IFT140: variants seen among roughly 807,000 people sequenced by gnomAD.
IFT140 encodes intraflagellar transport 140, also known as intraflagellar transport protein 140 homolog.
A neutral mutation model predicts 164.6 loss-of-function variants in IFT140; 133 were observed. The ratio of observed to expected loss-of-function variants is 0.81; its 90% CI spans 0.70 to 0.93. IFT140 has a LOEUF of 0.93. IFT140 is among the 40% of genes least tolerant of loss of function. The pLI, the probability that IFT140 is intolerant of heterozygous loss-of-function variation, is 0.00. For synonymous variants in IFT140, 860 were observed against 817.3 expected, an observed-to-expected ratio of 1.05 and a Z score of -0.89; for missense variants, 2,045 against 1,972.3, an observed-to-expected ratio of 1.04 and a Z score of -0.70.
chr16:1,551,004 C>T lies in IFT140; in HGVS notation c.2399+6931G>A, dbSNP rs1050191579. Among the ~76,000 whole-genome samples the T allele has an allele frequency of 4.6e-5, 7 of 152,198 alleles. No individual in the cohort carries two copies. The highest frequency in any genetic ancestry group is 7.3e-5 in the Non-Finnish European group (5 of 68,042). Reference sequence around the variant, plus strand: ...GAGGGCACCAGGGTAGCGGCATCTACGTGATCTGGCCAAAGGGCTCTGTCC... The same window carrying T: ...GAGGGCACCAGGGTAGCGGCATCTATGTGATCTGGCCAAAGGGCTCTGTCC... On this transcript the variant is annotated intron_variant, in intron 19 of 30. Coordinates refer to ENST00000426508, the MANE Select transcript of IFT140 (RefSeq NM_014714.4). This position sits in a 1 kb window ranked among gnomAD's most constrained non-coding sequence, Gnocchi z 4.0.
intron 19 of IFT140, among the ~76,000 whole-genome samples, chr16:1,555,829 C>T (rs951806049): frequency 5.9e-5 from 9 of 152,156 alleles, no homozygotes; most frequent in Non-Finnish European, 1.0e-4. Flanking sequence ...TCAGCCTGTG[C>T]GCGATGGCTC....
chr16:1,606,118 C>T (rs1296025448), intron 3 of IFT140, among the ~76,000 whole-genome samples: 1 of 152,228 alleles, frequency 6.6e-6, no homozygotes, highest in Non-Finnish European at 1.5e-5. Context: ...GCGGGCCCTG[C>T]TGACACCTGA....
chr16:1,524,679 T>C lies in IFT140; in HGVS notation c.3014A>G (p.Asn1005Ser). 6.3e-7 allele frequency: 1 copy of C among 1,576,026 alleles called. No individual in the cohort carries two copies. Among genetic ancestry groups the C allele is most frequent in the Non-Finnish European group, 8.7e-7 (1 of 1,156,002 alleles). Residue 1005 changes from asparagine (N) to serine (S), a missense_variant, in exon 24 of 31, where the codon AAC becomes AGC. Physicochemically the swap from Asn to Ser is conservative, Grantham distance 46 (BLOSUM62 1). Coordinates refer to ENST00000426508, the MANE Select transcript of IFT140 (RefSeq NM_014714.4). ...GGAGGCCGCCAGGTTTCCTGTCTCG[T>C]TGGCTATTTGCGCAGCCTAGAAAGA... Reference protein sequence around the residue: ...GNVQKAAQIANETGNLAASYH... With the variant: ...GNVQKAAQIASETGNLAASYH...
At position 1,549,329 on chromosome 16, in the gene IFT140, C is replaced by T. The variant is rs754673810; in HGVS notation, c.2399+8606G>A. On this transcript the variant is annotated intron_variant, in intron 19 of 30. Transcript: ENST00000426508. ...ATTTTCCCATCTGCTTCTGTGGCAA[C>T]AAAAATGCCAAGTAAGCTCCAGCCT... is the stretch of plus-strand genomic sequence containing the variant. Among the ~76,000 whole-genome samples the T allele has an allele frequency of 2.6e-5, 4 of 152,380 alleles. No individual in the cohort carries two copies. In the East Asian group the frequency reaches 5.8e-4, roughly 22 times the overall value.
chr16:1,568,912 C>T (rs376679115), intron 14 of IFT140, among the ~76,000 whole-genome samples: 2 of 152,124 alleles, frequency 1.3e-5, no homozygotes, highest in South Asian at 2.1e-4. Context: ...TAGGGACACA[C>T]TGAGCTATTT....
In IFT140 at chr16:1,524,829, G is replaced by C; in HGVS notation, c.2952C>G (p.His984Gln). 1 of 1,612,632 alleles carries C rather than the reference G, an allele frequency of 6.2e-7. No individual in the cohort carries two copies. Among genetic ancestry groups the C allele is most frequent in the Middle Eastern group, 1.7e-4 (1 of 6,058 alleles). The change falls in exon 23 of 31, where the codon CAC (histidine) becomes CAG (glutamine). Residue 984 changes from histidine to glutamine, a missense_variant. Transcript: ENST00000426508. The stretch of plus-strand genomic sequence containing the variant: ...AGCAGTGGATGCGGACCAGGGAGAA[G>C]TGGTCCCGGGCCAGCTCGTAGTAGT... Reference protein sequence around the residue: ...ALHYYELARDHFSLVRIHCFQ... With the variant: ...ALHYYELARDQFSLVRIHCFQ...
At chr16:1,603,825 A>G (rs1242821494) in intron 3 of IFT140, among the ~76,000 whole-genome samples, 1 of 152,086 alleles carries the variant, frequency 6.6e-6, no homozygotes. Flanking sequence ...AGCTTTGGGG[A>G]AGATATAAGT....
In IFT140 at chr16:1,564,183, C is replaced by A. The variant is rs186201473; in HGVS notation, c.1902-21G>T. On this transcript the variant is annotated intron_variant, in intron 16 of 30. Coordinates refer to ENST00000426508, the MANE Select transcript of IFT140 (RefSeq NM_014714.4). The surrounding 1 kb of genome is among the most constrained non-coding windows in gnomAD (Gnocchi z 5.5). ...GGCTCCTAAAAGACAAAGGAAGACC[C>A]GTTTCAACCCCAGGGCGGGCACTCC... The A allele has an allele frequency of 3.1e-3, 4,746 of 1,544,314 alleles. 12 individuals carry two copies. Among genetic ancestry groups the A allele is most frequent in the Non-Finnish European group, 3.1e-3 (3,554 of 1,135,474 alleles).
intron 19 of IFT140, among the ~76,000 whole-genome samples, chr16:1,545,839 G>A (rs754749235): frequency 8.5e-5 from 13 of 152,220 alleles, no homozygotes; most frequent in Non-Finnish European, 1.5e-4. Context: ...TGGGCTCAGT[G>A]CCATGCTCAG....
At chr16:1,575,848 C>T (rs761069941) in intron 13 of IFT140, among the ~76,000 whole-genome samples, 3 of 152,120 alleles carry the variant, frequency 2.0e-5, no homozygotes, top group Non-Finnish European at 4.4e-5. Flanking sequence ...TCACCCTTTC[C>T]CATCATGCCA....
chr16:1,585,375 A>T (rs562981719), intron 10 of IFT140, among the ~76,000 whole-genome samples: 1 of 152,308 alleles, frequency 6.6e-6, no homozygotes, highest in African/African-American at 2.4e-5. Context: ...GCAAATCCTT[A>T]GAGAGAGGAG....
At chr16:1,574,623 T>C (rs1016845410) in intron 13 of IFT140, among the ~76,000 whole-genome samples, 1 of 152,166 alleles carries the variant, frequency 6.6e-6, no homozygotes, top group Admixed American at 6.5e-5. Context: ...AGTCTCTTTT[T>C]GGTCAACAAA....
chr16:1,563,276 T>A (rs2033519803), intron 17 of IFT140, among the ~76,000 whole-genome samples: 1 of 151,618 alleles, frequency 6.6e-6, no homozygotes, highest in South Asian at 2.1e-4. Flanking sequence ...ACTCAGGGTA[T>A]CAACACTGAC....
rs750708238 is a variant in IFT140 at position 1,518,266 on chromosome 16, C to T, written c.4132G>A (p.Val1378Ile). 5.6e-6 allele frequency: 9 copies of T among 1,614,040 alleles called. No homozygotes were observed. The highest frequency in any genetic ancestry group is 2.2e-5 in the East Asian group (1 of 44,864). ...TAGTGCTCCACCAGGAAGCCATAGA[C>T]GTCCCCGATGCGGATGGTGCTGTCC... is the stretch of plus-strand genomic sequence containing the variant. ...DLDSTIRIGDVYGFLVEHYVR... is the reference protein window; with the variant it reads ...DLDSTIRIGDIYGFLVEHYVR... The change falls in exon 30 of 31, where the codon GTC (valine) becomes ATC (isoleucine). Residue 1378 changes from valine (V) to isoleucine (I), a missense_variant. By Grantham distance (29) the Val-to-Ile change is conservative. Coordinates refer to ENST00000426508, the MANE Select transcript of IFT140 (RefSeq NM_014714.4).
chr16:1,554,117 G>A (rs2032897758), intron 19 of IFT140: 8 of 1,287,152 alleles, frequency 6.2e-6, no homozygotes, highest in Admixed American at 4.6e-5. Context: ...GCACTGACTC[G>A]GAAGTGAGGG....
intron 19 of IFT140, among the ~76,000 whole-genome samples, chr16:1,528,355 ACG>A (rs2029987479): frequency 2.3e-5 from 3 of 131,538 alleles, no homozygotes; most frequent in African/African-American, 7.8e-5. Flanking sequence ...GCATGCACGC[ACG>A]TGTGCACACA....
intron 4 of IFT140, among the ~76,000 whole-genome samples, chr16:1,602,078 A>C (rs1320147605): frequency 6.6e-6 from 1 of 152,260 alleles, no homozygotes; most frequent in Non-Finnish European, 1.5e-5. Flanking sequence ...CCTGGTTAAG[A>C]AGCCCTGAGC....
At chr16:1,558,189 C>A in intron 18 of IFT140, 55 bp from the exon 19 acceptor site, 1 of 1,564,084 alleles carries the variant, frequency 6.4e-7, no homozygotes, top group Non-Finnish European at 8.8e-7. Flanking sequence ...CTGAAGCCCT[C>A]ACCCAGACCT....
At chr16:1,563,357 C>T (rs1022066654) in intron 17 of IFT140, among the ~76,000 whole-genome samples, 11 of 150,426 alleles carry the variant, frequency 7.3e-5, no homozygotes, top group East Asian at 4.1e-4. Flanking sequence ...AGCAGTGGCG[C>T]GATCCCGGCT....
Sources: gnomAD v4.1 joint callset for allele counts (sites outside exome capture counted in the v4.1 genomes callset) on GRCh38, gnomAD v4.1.1 for gene constraint, Gnocchi (gnomAD v3.1) non-coding constraint, MANE v1.5 for transcripts, NCBI Gene and HGNC (gene_info 2026-07-23, HGNC 2026-07-21) for gene names.